PRR16: variants seen among roughly 807,000 people sequenced by gnomAD.
PRR16 encodes the protein protein Largen.
Under a neutral mutation model 18.2 loss-of-function variants are expected in PRR16, and 6 were observed. The ratio of observed to expected loss-of-function variants is 0.33; its 90% CI spans 0.18 to 0.65. PRR16 has a LOEUF of 0.65. Ranked by LOEUF, PRR16 falls within the 30% of genes least tolerant of loss-of-function variation. PRR16 has a pLI of 0.74. For missense variants in PRR16, 412 were observed against 376.6 expected, an observed-to-expected ratio of 1.09 and a Z score of -0.78; for synonymous variants, 151 against 147.8, an observed-to-expected ratio of 1.02 and a Z score of -0.16.
At chr5:120,740,045 G>A in the PRR16 span, among the ~76,000 whole-genome samples, 1 of 152,162 alleles carries the variant, frequency 6.6e-6, no homozygotes, top group Non-Finnish European at 1.5e-5. Context: ...ATTATTCAAT[G>A]TTTGAAGTTT....
At chr5:120,760,348 C>T in the PRR16 span, among the ~76,000 whole-genome samples, 31 of 151,854 alleles carry the variant, frequency 2.0e-4, no homozygotes, top group African/African-American at 7.3e-5. Flanking sequence ...TAGAATTATA[C>T]AATATACCCA....
intron 1 of PRR16, among the ~76,000 whole-genome samples, chr5:120,616,450 T>C (rs1018883548): frequency 6.6e-6 from 1 of 152,186 alleles, no homozygotes; most frequent in African/African-American, 2.4e-5. Context: ...CATGTAGATT[T>C]AGTGTAGTCT....
chr5:120,668,908 G>A (rs1756492718), intron 1 of PRR16, among the ~76,000 whole-genome samples: 1 of 151,894 alleles, frequency 6.6e-6, no homozygotes, highest in African/African-American at 2.4e-5. Flanking sequence ...CATTTCAACT[G>A]ATGGGAATAA....
chr5:120,513,516 C>T (rs547840418), intron 1 of PRR16, among the ~76,000 whole-genome samples: 19 of 152,226 alleles, frequency 1.2e-4, no homozygotes, highest in Non-Finnish European at 2.4e-4. Context: ...GACTCATGGC[C>T]TTCACATGTT....
intron 1 of PRR16, among the ~76,000 whole-genome samples, chr5:120,577,477 T>A (rs1165218976): frequency 6.6e-6 from 1 of 151,836 alleles, no homozygotes; most frequent in East Asian, 1.9e-4. Flanking sequence ...ATAATACCAA[T>A]GTTCATTGGG....
At chr5:120,488,889 T>C (rs1749916090) in intron 1 of PRR16, among the ~76,000 whole-genome samples, 1 of 152,248 alleles carries the variant, frequency 6.6e-6, no homozygotes, top group Non-Finnish European at 1.5e-5. Context: ...TCTTTATTTC[T>C]GCCTTCATTT....
chr5:120,583,302 A>G (rs562760287), intron 1 of PRR16, among the ~76,000 whole-genome samples: 1 of 136,662 alleles, frequency 7.3e-6, no homozygotes, highest in African/African-American at 2.8e-5. Flanking sequence ...TTTAATGGGT[A>G]ATACAAAATA....
the PRR16 span, among the ~76,000 whole-genome samples, chr5:120,737,023 AAGG>A: frequency 1.3e-5 from 2 of 152,310 alleles, no homozygotes; most frequent in South Asian, 2.1e-4. Flanking sequence ...TTCTACACAG[AAGG>A]TCATGTCATT....
chr5:120,705,674 TAAC>T, the PRR16 span, among the ~76,000 whole-genome samples: 30 of 152,268 alleles, frequency 2.0e-4, no homozygotes, highest in East Asian at 5.8e-4. Context: ...TATAAGTTAA[TAAC>T]AACAACATTA....
At chr5:120,502,377 A>ATG (rs1750491665) in intron 1 of PRR16, among the ~76,000 whole-genome samples, 1 of 149,862 alleles carries the variant, frequency 6.7e-6, no homozygotes, top group Non-Finnish European at 1.5e-5. Flanking sequence ...TATTATATAT[A>ATG]TATGTTAGAA....
chr5:120,503,405 T>C lies in PRR16; in HGVS notation c.159+38760T>C, dbSNP rs189062577. Among the ~76,000 whole-genome samples, 337 of 152,338 alleles carry C rather than the reference T, an allele frequency of 2.2e-3. 4 individuals are homozygous for C. The highest frequency in any genetic ancestry group is 7.7e-3 in the African/African-American group (321 of 41,582). On this transcript the variant is annotated intron_variant, in intron 1 of 1. Transcript: ENST00000407149. The stretch of plus-strand genomic sequence containing the variant: ...GAGCTAAGAAAAATTAGTTTGTTGA[T>C]GTGGTGTGAATGCCCTAATAGAAAT...
At chr5:120,670,541 A>G (rs1756563652) in intron 1 of PRR16, among the ~76,000 whole-genome samples, 2 of 152,168 alleles carry the variant, frequency 1.3e-5, no homozygotes, top group Admixed American at 1.3e-4. Flanking sequence ...AATTTCAAAT[A>G]TTAAACCCTC....
At chr5:120,678,099 C>T (rs542165871) in intron 1 of PRR16, among the ~76,000 whole-genome samples, 2 of 151,984 alleles carry the variant, frequency 1.3e-5, no homozygotes, top group African/African-American at 4.8e-5. Flanking sequence ...TTAGTAGAGA[C>T]GGCGTTTAGC....
At chr5:120,580,720 G>A (rs563891130) in intron 1 of PRR16, among the ~76,000 whole-genome samples, 1 of 152,110 alleles carries the variant, frequency 6.6e-6, no homozygotes, top group African/African-American at 2.4e-5. Context: ...CTCCTAAAGT[G>A]CTGGGATTAC....
chr5:120,546,516 G>C (rs17146775), intron 1 of PRR16, among the ~76,000 whole-genome samples: 7,507 of 152,132 alleles, frequency 0.049, 236 homozygotes, highest in East Asian at 0.1. Context: ...CTGAATGGCT[G>C]ATTTGGTCAA....
At chr5:120,646,031 A>C (rs6595250) in intron 1 of PRR16, among the ~76,000 whole-genome samples, 33,945 of 120,182 alleles carry the variant, frequency 0.28, 5,324 homozygotes, top group African/African-American at 0.47. Flanking sequence ...CTCAAATTAC[A>C]AAAAAAAATA....
the PRR16 span, among the ~76,000 whole-genome samples, chr5:120,750,743 G>A: frequency 5.3e-5 from 8 of 152,166 alleles, no homozygotes; most frequent in East Asian, 7.7e-4. Context: ...AGAATTCAAT[G>A]TATAATGATC....
chr5:120,621,085 C>T (rs981905361), intron 1 of PRR16, among the ~76,000 whole-genome samples: 1 of 152,108 alleles, frequency 6.6e-6, no homozygotes, highest in South Asian at 2.1e-4. Context: ...CCTCCAAAAT[C>T]CTGAGTCCTT....
chr5:120,571,789 T>A (rs951416342), intron 1 of PRR16, among the ~76,000 whole-genome samples: 1 of 152,126 alleles, frequency 6.6e-6, no homozygotes, highest in Non-Finnish European at 1.5e-5. Context: ...GTGAAGGACA[T>A]GGGCTGGTCC....
Sources: allele counts gnomAD v4.1 joint callset (sites outside exome capture counted in the v4.1 genomes callset), GRCh38; gene constraint gnomAD v4.1.1; transcripts MANE v1.5; gene names NCBI Gene and HGNC (gene_info 2026-07-23, HGNC 2026-07-21).